The following LOC400499 variants were observed in gnomAD, a reference collection of about 807,000 sequenced individuals.
the LOC400499 span, chr16:11,431,230 C>T: frequency 5.8e-5 from 23 of 398,930 alleles, no homozygotes; most frequent in Non-Finnish European, 6.6e-5. Flanking sequence ...CAGCCAAATC[C>T]TAGGCAGCGA....
At chr16:11,378,351 C>A in the LOC400499 span, among the ~76,000 whole-genome samples, 2 of 151,120 alleles carry the variant, frequency 1.3e-5, no homozygotes, top group Admixed American at 1.3e-4. Flanking sequence ...GCAACCTCTG[C>A]CTCCCGGGTT....
the LOC400499 span, chr16:11,515,799 A>AGAACAAG: frequency 5.0e-6 from 2 of 402,950 alleles, no homozygotes; most frequent in Non-Finnish European, 4.4e-6. Context: ...GAGGAGGAGG[A>AGAACAAG]GGAAGAGGAA....
chr16:11,413,598 C>G, the LOC400499 span, among the ~76,000 whole-genome samples: 1 of 152,124 alleles, frequency 6.6e-6, no homozygotes, highest in Non-Finnish European at 1.5e-5. Flanking sequence ...GGCCTGGGTG[C>G]CAAGTCTGAG....
the LOC400499 span, among the ~76,000 whole-genome samples, chr16:11,453,427 G>T: frequency 1.3e-5 from 2 of 151,862 alleles, no homozygotes; most frequent in Non-Finnish European, 2.9e-5. Flanking sequence ...AGGAAATACA[G>T]AAATAAAAAG....
chr16:11,380,449 G>A, the LOC400499 span, among the ~76,000 whole-genome samples: 8 of 152,020 alleles, frequency 5.3e-5, no homozygotes, highest in East Asian at 3.9e-4. Flanking sequence ...GGGTGGTGGC[G>A]CATGCCTGTA....
chr16:11,381,658 T>TAGAC, the LOC400499 span, among the ~76,000 whole-genome samples: 1 of 152,214 alleles, frequency 6.6e-6, no homozygotes, highest in Non-Finnish European at 1.5e-5. Context: ...AAGATATCTC[T>TAGAC]AGACAGATCA....
At chr16:11,463,538 A>G in the LOC400499 span, among the ~76,000 whole-genome samples, 3 of 152,226 alleles carry the variant, frequency 2.0e-5, no homozygotes, top group African/African-American at 7.2e-5. Flanking sequence ...GTCTGTATGT[A>G]GACATGTATG....
the LOC400499 span, among the ~76,000 whole-genome samples, chr16:11,413,653 C>A: frequency 6.6e-6 from 1 of 152,180 alleles, no homozygotes; most frequent in Non-Finnish European, 1.5e-5. Flanking sequence ...GGGCAAGTCA[C>A]CCACACTCTC....
the LOC400499 span, among the ~76,000 whole-genome samples, chr16:11,387,829 G>A: frequency 6.6e-6 from 1 of 151,996 alleles, no homozygotes; most frequent in Non-Finnish European, 1.5e-5. Flanking sequence ...TCACCACATT[G>A]GCCAGGCTAG....
chr16:11,495,263 C>T, the LOC400499 span, among the ~76,000 whole-genome samples: 3 of 151,812 alleles, frequency 2.0e-5, no homozygotes, highest in Non-Finnish European at 2.9e-5. Context: ...ATGTGGCCCA[C>T]GACTCAGACG....
the LOC400499 span, among the ~76,000 whole-genome samples, chr16:11,387,543 G>T: frequency 6.6e-6 from 1 of 152,216 alleles, no homozygotes; most frequent in East Asian, 1.9e-4. Context: ...TGAGGACACA[G>T]ATGTCCGATG....
the LOC400499 span, among the ~76,000 whole-genome samples, chr16:11,427,833 C>A: frequency 6.6e-6 from 1 of 152,178 alleles, no homozygotes. Flanking sequence ...ATTGTAAGCA[C>A]ATTTTGAGCT....
the LOC400499 span, among the ~76,000 whole-genome samples, chr16:11,509,610 C>T: frequency 1.3e-5 from 2 of 151,456 alleles, no homozygotes; most frequent in Non-Finnish European, 2.9e-5. Context: ...GTGGGTGGAT[C>T]ACCCGAGGTC....
chr16:11,460,425 T>G, the LOC400499 span: 2 of 1,474,648 alleles, frequency 1.4e-6, no homozygotes, highest in Non-Finnish European at 9.0e-7. Context: ...AGATCACCAC[T>G]TGCCTGACTC....
chr16:11,476,906 T>A, the LOC400499 span: 1 of 399,132 alleles, frequency 2.5e-6, no homozygotes, highest in African/African-American at 2.1e-5. Context: ...TGCCCCAGGA[T>A]GCCCGCTGTG....
the LOC400499 span, among the ~76,000 whole-genome samples, chr16:11,426,607 A>T: frequency 1.3e-5 from 2 of 151,896 alleles, no homozygotes; most frequent in Non-Finnish European, 2.9e-5. Flanking sequence ...TACTGCAATA[A>T]GAAAAAAAAA....
chr16:11,502,298 C>G, the LOC400499 span: 2 of 396,256 alleles, frequency 5.0e-6, no homozygotes, highest in African/African-American at 4.1e-5. Flanking sequence ...GACCTACCAC[C>G]TTCTCCCAGG....
chr16:11,380,943 A>G, the LOC400499 span: 1 of 159,822 alleles, frequency 6.3e-6, no homozygotes, highest in Admixed American at 6.3e-5. Context: ...CTGCCTCCCA[A>G]GGGTCTGGCT....
chr16:11,434,436 T>C, the LOC400499 span, among the ~76,000 whole-genome samples: 115 of 152,168 alleles, frequency 7.6e-4, no homozygotes, highest in African/African-American at 2.6e-3. Context: ...GGGAATGGTG[T>C]CTGAAGTTGG....
Sources: gnomAD v4.1 joint callset for allele counts (sites outside exome capture counted in the v4.1 genomes callset) on GRCh38, gnomAD v4.1.1 for gene constraint, MANE v1.5 for transcripts.